Variants in MYCBP2 observed in about 807,000 individuals in gnomAD.
MYCBP2 encodes the protein E3 ubiquitin-protein ligase MYCBP2.
In MYCBP2, 120 loss-of-function variants were observed where a neutral mutation model predicts 525.3. That is an observed-to-expected ratio of 0.23 (90% CI 0.20 to 0.27). The LOEUF is 0.27. Among genes scored for constraint, MYCBP2 ranks in the 10% least tolerant of loss-of-function variants. MYCBP2 has a pLI of 1.00. For synonymous variants in MYCBP2, 1,894 were observed against 1,955.8 expected, an observed-to-expected ratio of 0.97 and a Z score of 0.83; for missense variants, 4,149 against 5,657.1, an observed-to-expected ratio of 0.73 and a Z score of 8.55.
intron 21 of MYCBP2, 109 bp downstream of exon 21, chr13:77,217,731 A>T: frequency 1.8e-6 from 1 of 560,844 alleles, no homozygotes. Context: ...TGTAACAATT[A>T]TAATATAATT....
intron 57 of MYCBP2, 129 bp from the exon 58 acceptor site, chr13:77,095,731 T>C (rs1435174678): frequency 3.4e-6 from 4 of 1,175,442 alleles, no homozygotes; most frequent in Non-Finnish European, 4.7e-6. Flanking sequence ...GATAATAAGA[T>C]TATAAAAAAC....
chr13:77,242,375 A>G (rs533944760), intron 17 of MYCBP2, among the ~76,000 whole-genome samples: 13 of 152,286 alleles, frequency 8.5e-5, no homozygotes, highest in Non-Finnish European at 4.4e-5. Flanking sequence ...CAGCTTCCCA[A>G]AGTGCTGGGA....
At chr13:77,265,043 G>A (rs959160112) in intron 8 of MYCBP2, among the ~76,000 whole-genome samples, 6 of 151,944 alleles carry the variant, frequency 3.9e-5, no homozygotes, top group African/African-American at 1.5e-4. Context: ...CGAATAAGCT[G>A]GATTATTCTT....
chr13:77,251,029 G>T, intron 15 of MYCBP2, 122 bp downstream of exon 15: 1 of 691,484 alleles, frequency 1.4e-6, no homozygotes, highest in Non-Finnish European at 2.3e-6. Flanking sequence ...TTTTGGCTAA[G>T]ATCAAGTGAA....
intron 1 of MYCBP2, among the ~76,000 whole-genome samples, chr13:77,298,122 T>C (rs2078388280): frequency 6.6e-6 from 1 of 152,212 alleles, no homozygotes. Flanking sequence ...TCCTGCCTCA[T>C]TTTGCATTCT....
chr13:77,138,426 C>T (rs539338630), intron 52 of MYCBP2, among the ~76,000 whole-genome samples: 18 of 152,138 alleles, frequency 1.2e-4, no homozygotes, highest in Non-Finnish European at 2.5e-4. Context: ...ACTTTATAAA[C>T]GGATTTTTAA....
rs776176852 is a variant in MYCBP2, at chr13:77,061,647, G to C, written c.12903+15C>G. On this transcript the variant is annotated intron_variant, in intron 75 of 82. Transcript: ENST00000544440. ...CACTGAACATATTTTATGCTCCAGA[G>C]ACAAAAATCTTCACCTGTCTTTGAT... 3 of 1,607,620 alleles carry C rather than the reference G, an allele frequency of 1.9e-6. No individual in the cohort carries two copies. In the African/African-American group the frequency reaches 4.0e-5, roughly 22 times the overall value.
intron 1 of MYCBP2, among the ~76,000 whole-genome samples, chr13:77,309,354 C>T (rs2079868988): frequency 6.6e-6 from 1 of 152,204 alleles, no homozygotes; most frequent in South Asian, 2.1e-4. Flanking sequence ...TTTGAATATA[C>T]TGAACATAAT....
rs990494205 is a variant in MYCBP2 at position 77,073,735 on chromosome 13, C to T, written c.11823+3016G>A. 6.6e-5 allele frequency among the ~76,000 whole-genome samples: 10 copies of T among 151,824 alleles called. 1 individual carries two copies. Among genetic ancestry groups the T allele is most frequent in the Admixed American group, 5.3e-4 (8 of 15,236 alleles). Reference sequence around the variant, plus strand: ...CAAAAGTCAATTCTATTTTTATACACTAGAAATGAACAATTGGAAAGTGAA... The same window carrying T: ...CAAAAGTCAATTCTATTTTTATACATTAGAAATGAACAATTGGAAAGTGAA... On this transcript the variant is annotated intron_variant, in intron 68 of 82. Coordinates refer to ENST00000544440, the MANE Select transcript of MYCBP2 (RefSeq NM_015057.5).
In MYCBP2 at chr13:77,286,925, T is replaced by C. The variant is rs1378565832; in HGVS notation, c.594+1236A>G. On this transcript the variant is annotated intron_variant, in intron 3 of 82. Coordinates refer to ENST00000544440, the MANE Select transcript of MYCBP2 (RefSeq NM_015057.5). The stretch of plus-strand genomic sequence containing the variant: ...TGGTAAATGGAGTCTAGCTCTGTTG[T>C]CCAGGCTGGAGTGCAGTGGCGCCAT... 8.9e-5 allele frequency among the ~76,000 whole-genome samples: 13 copies of C among 145,510 alleles called. 1 individual carries two copies. Among genetic ancestry groups the C allele is most frequent in the South Asian group, 8.8e-4 (4 of 4,522 alleles).
rs1555465460 is a variant in MYCBP2 at position 77,294,105 on chromosome 13, T to TATATATATATATATATATAC, written c.378+2493_378+2494insGTATATATATATATATATAT. Among the ~76,000 whole-genome samples, 73 of 7,936 alleles carry TATATATATATATATATATAC rather than the reference T, an allele frequency of 9.2e-3. 1 individual carries two copies. The highest frequency in any genetic ancestry group is 0.038 in the Middle Eastern group (1 of 26). The allele number at this position is 7,936 out of a possible 152,430, so 5.2% of individuals were successfully genotyped here. ...ATAGCCATAAAGTAGATATAATGGC[T>TATATATATATATATATATAC]ATATATATATATATATATATATATA... On this transcript the variant is annotated intron_variant, in intron 2 of 82. Coordinates refer to ENST00000544440, the MANE Select transcript of MYCBP2 (RefSeq NM_015057.5).
At chr13:77,304,677 T>C (rs1329639600) in intron 1 of MYCBP2, among the ~76,000 whole-genome samples, 1 of 152,168 alleles carries the variant, frequency 6.6e-6, no homozygotes, top group African/African-American at 2.4e-5. Context: ...TATCCTGATT[T>C]GATCATTACA....
rs749562616 is a variant in MYCBP2, at chr13:77,205,486, T to C, written c.3702A>G (p.Val1234=). The C allele has an allele frequency of 6.2e-7, 1 of 1,613,530 alleles. No individual in the cohort carries two copies. The highest frequency in any genetic ancestry group is 1.7e-5 in the Admixed American group (1 of 59,904). The change falls in exon 25 of 83, where the codon GTA becomes GTG. Residue 1234 remains valine, a synonymous_variant. Transcript: ENST00000544440. ...KVYSKEDYSV[V]NRFESHGGGW... is the part of the protein sequence containing the mutation. ...AAGTATACATACTTTCAAACCTGTT[T>C]ACCACACTATAATCTTCTTTAGAAT...
intron 38 of MYCBP2, among the ~76,000 whole-genome samples, chr13:77,170,879 C>A (rs959418631): frequency 1.3e-5 from 2 of 151,996 alleles, no homozygotes; most frequent in African/African-American, 4.8e-5. Flanking sequence ...CCGGCCATAA[C>A]CATGTTTTCA....
At chr13:77,154,457 T>G (rs114511789) in intron 46 of MYCBP2, among the ~76,000 whole-genome samples, 1,976 of 149,240 alleles carry the variant, frequency 0.013, 41 homozygotes, top group African/African-American at 0.045. Context: ...AAAAAAGAAC[T>G]CTAAGATGAA....
At chr13:77,164,384 G>T in intron 43 of MYCBP2, 70 bp downstream of exon 43, 1 of 925,074 alleles carries the variant, frequency 1.1e-6, no homozygotes, top group Non-Finnish European at 1.7e-6. Context: ...ATCTATTTTT[G>T]GCCCTTTTAT....
At chr13:77,301,419 T>A (rs1238796223) in intron 1 of MYCBP2, among the ~76,000 whole-genome samples, 2 of 70,162 alleles carry the variant, frequency 2.9e-5, no homozygotes, top group Admixed American at 2.2e-4. Context: ...CAAGACTCCA[T>A]CTCAAAAAAA....
Position 77,087,530 on chromosome 13 carries a change from T to C in MYCBP2, c.10829A>G (p.Glu3610Gly). The C allele has an allele frequency of 6.2e-7, 1 of 1,613,206 alleles. No homozygotes were observed. The highest frequency in any genetic ancestry group is 8.5e-7 in the Non-Finnish European group (1 of 1,179,542). Residue 3610 changes from glutamate to glycine, a missense_variant, in exon 62 of 83, where the codon GAA (glutamate) becomes GGA (glycine). This residue lies in a region of MYCBP2 where 509 missense variants were observed against 789.4 expected (regional missense o/e 0.64). Transcript: ENST00000544440. ...TGTTTTATTTTCTTCATCCTCTTCT[T>C]CCTCTGGTTCCACTGGTGCAGGAGT... The part of the protein sequence containing the change: ...SLTPAPVEPE[E>G]EEDEENKTSK...
chr13:77,170,569 G>A (rs962787995), intron 38 of MYCBP2, among the ~76,000 whole-genome samples: 1 of 151,494 alleles, frequency 6.6e-6, no homozygotes, highest in South Asian at 2.1e-4. Context: ...ATAAGGAGGT[G>A]GAGGTAACTT....
Sources: gnomAD v4.1 joint callset for allele counts (sites outside exome capture counted in the v4.1 genomes callset) on GRCh38, gnomAD v4.1.1 for gene constraint, gnomAD v4.1.1 regional missense constraint, MANE v1.5 for transcripts, NCBI Gene and HGNC (gene_info 2026-07-23, HGNC 2026-07-21) for gene names.